MEGF10: variants seen among roughly 807,000 people sequenced by gnomAD.
MEGF10 encodes multiple EGF like domains 10, also known as multiple epidermal growth factor-like domains protein 10.
Under a neutral mutation model 147.5 loss-of-function variants are expected in MEGF10, and 86 were observed. That is an observed-to-expected ratio of 0.58 (90% CI 0.49 to 0.70). The LOEUF is 0.70. MEGF10 is among the 30% of genes least tolerant of loss of function. The pLI, the probability that MEGF10 is intolerant of heterozygous loss-of-function variation, is 0.00. For synonymous variants in MEGF10, 478 were observed against 525.5 expected (o/e 0.91, Z 1.24); for missense variants, 1,329 against 1,487.3 (o/e 0.89, Z 1.75).
the MEGF10 span, among the ~76,000 whole-genome samples, chr5:127,235,596 T>C: frequency 6.6e-6 from 1 of 152,210 alleles, no homozygotes; most frequent in African/African-American, 2.4e-5. Context: ...CGGTAATTTT[T>C]ATATTATCGT....
chr5:127,297,092 G>A (rs964552356), intron 1 of MEGF10, among the ~76,000 whole-genome samples: 2 of 152,090 alleles, frequency 1.3e-5, no homozygotes, highest in African/African-American at 2.4e-5. Context: ...TCAGCATCCC[G>A]AGTAGCTGGG....
At chr5:127,273,980 T>G in the MEGF10 span, among the ~76,000 whole-genome samples, 1 of 152,220 alleles carries the variant, frequency 6.6e-6, no homozygotes, top group Non-Finnish European at 1.5e-5. Context: ...CATGTGACCT[T>G]AATGAACAGC....
intron 22 of MEGF10, among the ~76,000 whole-genome samples, chr5:127,451,027 G>A (rs1368062009): frequency 6.6e-6 from 1 of 152,168 alleles, no homozygotes; most frequent in Non-Finnish European, 1.5e-5. Flanking sequence ...CCAAAGTGCT[G>A]GGATTACAGG....
At chr5:127,266,606 G>A in the MEGF10 span, among the ~76,000 whole-genome samples, 1 of 152,042 alleles carries the variant, frequency 6.6e-6, no homozygotes, top group African/African-American at 2.4e-5. Context: ...TTGAGCAGTG[G>A]TTTATAGTTC....
At chr5:127,403,543 C>T (rs898226844) in intron 8 of MEGF10, among the ~76,000 whole-genome samples, 1 of 152,136 alleles carries the variant, frequency 6.6e-6, no homozygotes, top group African/African-American at 2.4e-5. Context: ...GTCATTCTTT[C>T]TAATTTTTTT....
chr5:127,357,458 A>G (rs1458766127), intron 4 of MEGF10, among the ~76,000 whole-genome samples: 1 of 151,940 alleles, frequency 6.6e-6, no homozygotes, highest in Non-Finnish European at 1.5e-5. Context: ...ATACAGGGTC[A>G]AAAAAGTGAA....
chr5:127,233,523 G>A, the MEGF10 span, among the ~76,000 whole-genome samples: 3 of 152,172 alleles, frequency 2.0e-5, no homozygotes, highest in African/African-American at 7.2e-5. Context: ...AATAGGAGAC[G>A]AAAACACTGG....
chr5:127,231,641 C>A, the MEGF10 span, among the ~76,000 whole-genome samples: 2 of 152,124 alleles, frequency 1.3e-5, no homozygotes, highest in African/African-American at 4.8e-5. Context: ...TTGTTCATTA[C>A]CACTTTCCAA....
At chr5:127,391,068 A>G (rs1395507667) in intron 5 of MEGF10, among the ~76,000 whole-genome samples, 1 of 150,402 alleles carries the variant, frequency 6.6e-6, no homozygotes, top group Non-Finnish European at 1.5e-5. Flanking sequence ...TTATGTGTAT[A>G]TATACATACA....
intron 16 of MEGF10, among the ~76,000 whole-genome samples, chr5:127,438,145 G>A (rs986344025): frequency 6.6e-6 from 1 of 152,140 alleles, no homozygotes; most frequent in Non-Finnish European, 1.5e-5. Flanking sequence ...GTACATAATA[G>A]GTGTTGAATA....
chr5:127,362,118 A>G (rs569345720), intron 4 of MEGF10, among the ~76,000 whole-genome samples: 15 of 152,126 alleles, frequency 9.9e-5, no homozygotes. Flanking sequence ...TAGTTATTCA[A>G]ATCTCCTGCT....
chr5:127,372,634 T>A (rs1762886819), intron 5 of MEGF10, among the ~76,000 whole-genome samples: 1 of 152,190 alleles, frequency 6.6e-6, no homozygotes, highest in Non-Finnish European at 1.5e-5. Flanking sequence ...AAATTGATAG[T>A]CTAGAGGAGA....
chr5:127,269,482 G>T, the MEGF10 span, among the ~76,000 whole-genome samples: 2 of 152,148 alleles, frequency 1.3e-5, no homozygotes, highest in Non-Finnish European at 2.9e-5. Flanking sequence ...TGGAAGAAAG[G>T]GTATCAGTGA....
Position 127,314,283 on chromosome 5 carries a change from C to A in MEGF10, c.-18-17008C>A, listed in dbSNP as rs145255670. ...CCTGGTATTGTTCTTACTTAGCAAC[C>A]GTATATTGATCATCTATATATTCTT... On this transcript the variant is annotated intron_variant, in intron 1 of 24. Coordinates refer to ENST00000503335, the MANE Select transcript of MEGF10 (RefSeq NM_001256545.2). Among the ~76,000 whole-genome samples the A allele has an allele frequency of 5.3e-5, 8 of 152,168 alleles. No individual in the cohort carries two copies. The East Asian group carries it at 1.4e-3, about 26-fold the overall frequency.
chr5:127,326,703 G>A (rs1454191891), intron 1 of MEGF10, among the ~76,000 whole-genome samples: 1 of 152,176 alleles, frequency 6.6e-6, no homozygotes, highest in Non-Finnish European at 1.5e-5. Flanking sequence ...GAGTGGTCAG[G>A]TGAAATGGAT....
chr5:127,386,299 C>G (rs958226751), intron 5 of MEGF10, among the ~76,000 whole-genome samples: 2 of 152,142 alleles, frequency 1.3e-5, no homozygotes, highest in African/African-American at 4.8e-5. Flanking sequence ...AGTTGGTGAA[C>G]CATGGGCATA....
intron 22 of MEGF10, among the ~76,000 whole-genome samples, 167 bp downstream of exon 22, chr5:127,449,389 C>T (rs946403507): frequency 1.3e-5 from 2 of 152,164 alleles, no homozygotes; most frequent in Non-Finnish European, 2.9e-5. Context: ...GTCCTAAGGG[C>T]TTTATCTATT....
At chr5:127,393,607 T>C (rs1349443633) in intron 5 of MEGF10, among the ~76,000 whole-genome samples, 4 of 152,322 alleles carry the variant, frequency 2.6e-5, no homozygotes, top group African/African-American at 7.2e-5. Flanking sequence ...GTGAGGTCCA[T>C]GTATTAGTGG....
At chr5:127,278,480 C>T in the MEGF10 span, among the ~76,000 whole-genome samples, 1 of 152,034 alleles carries the variant, frequency 6.6e-6, no homozygotes, top group Non-Finnish European at 1.5e-5. Context: ...AGGAGGAGAA[C>T]CAAACAGAGT....
Sources: gnomAD v4.1 joint callset for allele counts (sites outside exome capture counted in the v4.1 genomes callset) on GRCh38, gnomAD v4.1.1 for gene constraint, MANE v1.5 for transcripts, NCBI Gene and HGNC (gene_info 2026-07-23, HGNC 2026-07-21) for gene names.